The following CYP1A1 variants were observed in gnomAD, a reference collection of about 807,000 sequenced individuals.
The protein encoded by CYP1A1 is cytochrome P450 1A1.
In CYP1A1, 43 loss-of-function variants were observed where a neutral mutation model predicts 33.6. That is an observed-to-expected ratio of 1.28 (90% CI 1.00 to 1.65). The LOEUF (loss-of-function observed/expected upper bound fraction) is 1.65. CYP1A1 is among the 40% of genes most tolerant of loss of function. The probability of loss-of-function intolerance (pLI) is 0.00; values close to 1 mark genes in which losing one functional copy is unlikely to be tolerated. For missense variants in CYP1A1, 637 were observed against 653.7 expected (o/e 0.97, Z 0.28); for synonymous variants, 280 against 257.8 (o/e 1.09, Z -0.83).
Position 74,720,693 on chromosome 15 carries a change from C to G in CYP1A1, c.1335G>C (p.Glu445Asp), listed in dbSNP as rs1226579512. The G allele has an allele frequency of 6.2e-7, 1 of 1,614,084 alleles. No individual in the cohort carries two copies. Among genetic ancestry groups the G allele is most frequent in the East Asian group, 2.2e-5 (1 of 44,888 alleles). ...TGCCCATGCCAAAGATAATCACCTT[C>G]TCACTTAACACCTTGTCGATAGCAC... The part of the protein sequence containing the change: ...PDGAIDKVLS[E>D]KVIIFGMGKR... The change falls in exon 7 of 7, where the codon GAG becomes GAC. Residue 445 changes from glutamate to aspartate, a missense_variant. By Grantham distance (45) the Glu-to-Asp change is conservative. Coordinates refer to ENST00000379727, the MANE Select transcript of CYP1A1 (RefSeq NM_001319217.2).
intron 1 of CYP1A1, among the ~76,000 whole-genome samples, chr15:74,724,311 A>C (rs2063197934): frequency 6.6e-6 from 1 of 152,118 alleles, no homozygotes; most frequent in African/African-American, 2.4e-5. Flanking sequence ...AGGGTGTTTA[A>C]ATTCATAAAC....
At position 74,720,790 on chromosome 15, in the gene CYP1A1, G is replaced by A; in HGVS notation, c.1254-16C>T. 1 of 1,599,096 alleles carries A rather than the reference G, an allele frequency of 6.3e-7. No homozygotes were observed. Among genetic ancestry groups the A allele is most frequent in the Non-Finnish European group, 8.5e-7 (1 of 1,171,790 alleles). ...CCATAGCTTCCTGTAACCAGAGGGA[G>A]ACAGCTGAAGTGGCAGTTCAGGGCT... On this transcript the variant is annotated splice_polypyrimidine_tract_variant and intron_variant, in intron 6 of 6. Transcript: ENST00000379727.
chr15:74,720,459 CAG>C lies in CYP1A1; in HGVS notation c.*28_*29del. Reference sequence around the variant, plus strand: ...TGGCTGCCCAACCAGACCAGGTAGACAGAGTCTAGGCCTCAGGGCTCTCAAGC... The same window carrying C: ...TGGCTGCCCAACCAGACCAGGTAGACAGTCTAGGCCTCAGGGCTCTCAAGC... On this transcript the variant is annotated 3_prime_UTR_variant, in exon 7 of 7. Transcript: ENST00000379727. The C allele has an allele frequency of 2.6e-6, 4 of 1,524,444 alleles. No homozygotes were observed. Among genetic ancestry groups the C allele is most frequent in the Non-Finnish European group, 3.5e-6 (4 of 1,137,520 alleles). 94.4% of individuals were successfully genotyped at this position (1,524,444 alleles called of 1,614,324 possible). A position where few individuals can be genotyped will look rare whatever the true frequency, so the allele number is the denominator to read the frequency against.
chr15:74,721,767 C>G (rs1243491329), intron 2 of CYP1A1, 50 bp from the exon 3 acceptor site: 1 of 1,600,220 alleles, frequency 6.2e-7, no homozygotes, highest in East Asian at 2.2e-5. Context: ...CCCAGAGCTA[C>G]CTCTCCATCC....
intron 5 of CYP1A1, 46 bp downstream of exon 5, chr15:74,721,153 C>T (rs773269869): frequency 9.6e-5 from 154 of 1,607,732 alleles, no homozygotes; most frequent in Middle Eastern, 1.7e-4. Context: ...GTATGTGGTC[C>T]GGAGTAAGAT....
At chr15:74,722,188 C>G in intron 2 of CYP1A1, 85 bp downstream of exon 2, 1 of 1,128,828 alleles carries the variant, frequency 8.9e-7, no homozygotes, top group South Asian at 1.5e-5. Flanking sequence ...CTTGCCAAGC[C>G]CCATGCAGTT....
intron 1 of CYP1A1, among the ~76,000 whole-genome samples, chr15:74,723,942 C>T (rs1009751001): frequency 3.3e-5 from 5 of 152,182 alleles, no homozygotes; most frequent in Non-Finnish European, 5.9e-5. Flanking sequence ...CAGGAAATCC[C>T]ACCAGACCCC....
Position 74,721,604 on chromosome 15 carries a change from G to T in CYP1A1, c.939C>A (p.Asp313Glu). The T allele has an allele frequency of 1.2e-6, 2 of 1,614,190 alleles. No individual in the cohort carries two copies. The highest frequency in any genetic ancestry group is 1.7e-6 in the Non-Finnish European group (2 of 1,180,032). The change falls in exon 3 of 7, where the codon GAC becomes GAA. Residue 313 changes from aspartate to glutamate, a missense_variant. Physicochemically the swap from Asp to Glu is conservative, Grantham distance 45 (BLOSUM62 2). Transcript: ENST00000379727. ...GGGTAACCATACCAGCTCCAAAGAG[G>T]TCCAAGACGATGTTAATGATCTTCT... ...SDEKIINIVL[D>E]LFGAGFDTVT...
rs778944289 is a variant in CYP1A1 at position 74,721,727 on chromosome 15, G to C, written c.826-10C>G. 12 of 1,613,250 alleles carry C rather than the reference G, an allele frequency of 7.4e-6. No individual in the cohort carries two copies. The highest frequency in any genetic ancestry group is 1.0e-5 in the Non-Finnish European group (12 of 1,179,720). On this transcript the variant is annotated splice_polypyrimidine_tract_variant and intron_variant, in intron 2 of 6. Coordinates refer to ENST00000379727, the MANE Select transcript of CYP1A1 (RefSeq NM_001319217.2). The stretch of plus-strand genomic sequence containing the variant: ...TGTCCCGGATGTGGCCCTTAGGTAG[G>C]GAAAGTCCACAGGTGAGCAAGATCT...
Position 74,720,231 on chromosome 15 carries a change from A to G in CYP1A1, c.*258T>C. The G allele has an allele frequency of 2.6e-6, 1 of 378,908 alleles. No homozygotes were observed. Among genetic ancestry groups the G allele is most frequent in the Non-Finnish European group, 4.7e-6 (1 of 214,944 alleles). The allele number at this position is 378,908 out of a possible 1,614,324, so 23.5% of individuals were successfully genotyped here. ...CTAACCCTAGCAGGCCTCCTGGCTC[A>G]AGCACAACTTGGGAAGGCTCCATCA... On this transcript the variant is annotated 3_prime_UTR_variant, in exon 7 of 7. Transcript: ENST00000379727.
intron 1 of CYP1A1, among the ~76,000 whole-genome samples, chr15:74,724,755 T>C (rs1043848910): frequency 1.3e-5 from 2 of 151,546 alleles, no homozygotes; most frequent in Non-Finnish European, 2.9e-5. Context: ...CTTTGTAAGA[T>C]GGTAGGAGGC....
Position 74,721,469 on chromosome 15 carries a change from G to T in CYP1A1, c.987C>A (p.Ser329Arg), listed in dbSNP as rs766754993. 6.2e-7 allele frequency: 1 copy of T among 1,614,170 alleles called. No individual in the cohort carries two copies. The highest frequency in any genetic ancestry group is 8.5e-7 in the Non-Finnish European group (1 of 1,180,028). Residue 329 changes from serine to arginine, a missense_variant, in exon 4 of 7, where the codon AGC (serine) becomes AGA (arginine). Coordinates refer to ENST00000379727, the MANE Select transcript of CYP1A1 (RefSeq NM_001319217.2). Reference sequence around the variant, plus strand: ...TGGGGTTCATCACCAAATACATGAGGCTCCAGGAGATAGCAGTTGTGACTG... The same window carrying T: ...TGGGGTTCATCACCAAATACATGAGTCTCCAGGAGATAGCAGTTGTGACTG... The part of the protein sequence containing the change: ...FDTVTTAISW[S>R]LMYLVMNPRV...
intron 2 of CYP1A1, 115 bp downstream of exon 2, chr15:74,722,158 G>T: frequency 3.7e-6 from 3 of 817,158 alleles, no homozygotes; most frequent in Non-Finnish European, 3.9e-6. Context: ...CAAGATCCCA[G>T]GTTGAAGCCT....
At chr15:74,721,833 G>T (rs1460309663) in intron 2 of CYP1A1, 116 bp from the exon 3 acceptor site, 2 of 1,362,556 alleles carry the variant, frequency 1.5e-6, no homozygotes, top group Non-Finnish European at 2.0e-6. Flanking sequence ...TGCCCCCTGA[G>T]GCTGTTGTCC....
chr15:74,720,453 G>T lies in CYP1A1; in HGVS notation c.*36C>A. On this transcript the variant is annotated 3_prime_UTR_variant, in exon 7 of 7. Coordinates refer to ENST00000379727, the MANE Select transcript of CYP1A1 (RefSeq NM_001319217.2). The stretch of plus-strand genomic sequence containing the variant: ...CTGGTCTGGCTGCCCAACCAGACCA[G>T]GTAGACAGAGTCTAGGCCTCAGGGC... 1 of 1,523,224 alleles carries T rather than the reference G, an allele frequency of 6.6e-7. No homozygotes were observed. The highest frequency in any genetic ancestry group is 1.3e-5 in the South Asian group (1 of 75,958). 94.4% of individuals were successfully genotyped at this position (1,523,224 alleles called of 1,614,324 possible). A position where few individuals can be genotyped will look rare whatever the true frequency, so the allele number is the denominator to read the frequency against.
At position 74,722,351 on chromosome 15, in the gene CYP1A1, A is replaced by G. The variant is rs749731774; in HGVS notation, c.747T>C (p.Asn249=). Residue 249 remains asparagine, a synonymous_variant, in exon 2 of 7, where the codon AAT becomes AAC. Coordinates refer to ENST00000379727, the MANE Select transcript of CYP1A1 (RefSeq NM_001319217.2). The part of the protein sequence containing the change: ...ILRYLPNPSL[N]AFKDLNEKFY... ...ACTTCTCATTCAGGTCCTTGAAGGC[A>G]TTCAGGGAAGGGTTGGGTAGGTAGC... The G allele has an allele frequency of 1.2e-6, 2 of 1,614,006 alleles. No homozygotes were observed. The highest frequency in any genetic ancestry group is 1.3e-5 in the African/African-American group (1 of 74,894).
rs1037469404 is a variant in CYP1A1 at position 74,721,889 on chromosome 15, T to A, written c.826-172A>T. The A allele has an allele frequency of 1.4e-5, 11 of 774,526 alleles. 1 individual carries two copies. In the South Asian group the frequency reaches 1.8e-4, roughly 13 times the overall value. 48.0% of individuals were successfully genotyped at this position (774,526 alleles called of 1,614,324 possible). On this transcript the variant is annotated intron_variant, in intron 2 of 6. Transcript: ENST00000379727. ...AAGGCTCTCTCCTACTACCTTAGAA[T>A]GCTGCTAGCCCCAACTCATGGGACA...
rs999332372 is a variant in CYP1A1 at position 74,720,345 on chromosome 15, G to A, written c.*144C>T. ...GGGGCAGGCAGGATCCCTTAGGCTT[G>A]CCCACAGCCCAGATAGCAAAACTGC... On this transcript the variant is annotated 3_prime_UTR_variant, in exon 7 of 7. Coordinates refer to ENST00000379727, the MANE Select transcript of CYP1A1 (RefSeq NM_001319217.2). 3.6e-5 allele frequency: 33 copies of A among 918,184 alleles called. No homozygotes were observed. In the Middle Eastern group the frequency reaches 1.1e-3, roughly 29 times the overall value. 56.9% of individuals were successfully genotyped at this position (918,184 alleles called of 1,614,324 possible). A position where few individuals can be genotyped will look rare whatever the true frequency, so the allele number is the denominator to read the frequency against.
intron 1 of CYP1A1, among the ~76,000 whole-genome samples, chr15:74,724,495 C>A (rs558636496): frequency 6.6e-6 from 1 of 151,676 alleles, no homozygotes; most frequent in South Asian, 2.1e-4. Flanking sequence ...CCAGCTGGAT[C>A]CAGAGGGAAG....
Sources: allele counts gnomAD v4.1 joint callset (sites outside exome capture counted in the v4.1 genomes callset), GRCh38; gene constraint gnomAD v4.1.1; transcripts MANE v1.5; gene names NCBI Gene and HGNC (gene_info 2026-07-23, HGNC 2026-07-21).